CSMD3: variants seen among roughly 807,000 people sequenced by gnomAD.
CSMD3 encodes the protein CUB and sushi domain-containing protein 3.
In CSMD3, 177 loss-of-function variants were observed where a neutral mutation model predicts 435.2. That is an observed-to-expected ratio of 0.41 (90% CI 0.36 to 0.46). The LOEUF (loss-of-function observed/expected upper bound fraction) is 0.46, where lower values mean the gene tolerates loss of function less well. Among genes scored for constraint, CSMD3 ranks in the 20% least tolerant of loss-of-function variants. The pLI, the probability that CSMD3 is intolerant of heterozygous loss-of-function variation, is 0.34. For synonymous variants in CSMD3, 1,656 were observed against 1,520.5 expected (o/e 1.09, Z -2.07); for missense variants, 4,265 against 4,504.6 (o/e 0.95, Z 1.52).
chr8:112,256,872 C>G (rs972887145), intron 61 of CSMD3, among the ~76,000 whole-genome samples: 2 of 152,072 alleles, frequency 1.3e-5, no homozygotes, highest in Non-Finnish European at 2.9e-5. Context: ...AACTGAGAAA[C>G]TTTTGAGAGT....
At position 112,692,084 on chromosome 8, in the gene CSMD3, T is replaced by C. The variant is rs1274234130; in HGVS notation, c.1973-2034A>G. ...TCCCAAAGTGCTGGAATTACAGGTG[T>C]GAGCCACTGCGCCCGGCAAATTCTA... On this transcript the variant is annotated intron_variant, in intron 13 of 70. Coordinates refer to ENST00000297405, the MANE Select transcript of CSMD3 (RefSeq NM_198123.2). Among the ~76,000 whole-genome samples, 3 of 152,240 alleles carry C rather than the reference T, an allele frequency of 2.0e-5. No homozygotes were observed. The East Asian group carries it at 5.8e-4, about 29-fold the overall frequency.
chr8:112,730,696 C>T (rs1387945285), intron 13 of CSMD3, among the ~76,000 whole-genome samples: 2 of 152,220 alleles, frequency 1.3e-5, no homozygotes, highest in African/African-American at 2.4e-5. Flanking sequence ...ACCCCTTCAA[C>T]CTGACTGTGT....
At chr8:112,479,758 C>T (rs1819448762) in intron 31 of CSMD3, among the ~76,000 whole-genome samples, 1 of 152,204 alleles carries the variant, frequency 6.6e-6, no homozygotes, top group Non-Finnish European at 1.5e-5. Flanking sequence ...GCCTAAATGT[C>T]AGAGAATGTA....
intron 3 of CSMD3, among the ~76,000 whole-genome samples, chr8:113,257,766 A>G (rs995857890): frequency 1.1e-4 from 17 of 152,244 alleles, no homozygotes; most frequent in African/African-American, 4.1e-4. Flanking sequence ...GGCAAATTAA[A>G]GCATCTCACA....
intron 7 of CSMD3, among the ~76,000 whole-genome samples, chr8:112,971,595 T>G (rs1397008588): frequency 6.6e-6 from 1 of 152,196 alleles, no homozygotes; most frequent in Non-Finnish European, 1.5e-5. Flanking sequence ...CTATAATTGT[T>G]CATTTGACCT....
At chr8:113,415,908 A>G (rs990286042) in intron 1 of CSMD3, among the ~76,000 whole-genome samples, 1 of 152,116 alleles carries the variant, frequency 6.6e-6, no homozygotes, top group Non-Finnish European at 1.5e-5. Context: ...ATTAATGTAT[A>G]TATGGCCTAC....
chr8:112,867,310 A>G (rs1181817389), intron 10 of CSMD3, among the ~76,000 whole-genome samples: 1 of 152,140 alleles, frequency 6.6e-6, no homozygotes, highest in African/African-American at 2.4e-5. Flanking sequence ...CAAGGCTGAT[A>G]GTTTGAGTTT....
intron 10 of CSMD3, among the ~76,000 whole-genome samples, chr8:112,867,485 CAT>C (rs2129988087): frequency 6.6e-6 from 1 of 152,176 alleles, no homozygotes; most frequent in Non-Finnish European, 1.5e-5. Context: ...TATTAAACAT[CAT>C]AGAGTGTGCT....
At chr8:112,780,082 AAC>A (rs1489857338) in intron 13 of CSMD3, among the ~76,000 whole-genome samples, 1 of 152,130 alleles carries the variant, frequency 6.6e-6, no homozygotes, top group Non-Finnish European at 1.5e-5. Flanking sequence ...TTGAGGGGAA[AAC>A]ACATTCTTTT....
intron 1 of CSMD3, among the ~76,000 whole-genome samples, chr8:113,339,081 T>C (rs1405793864): frequency 6.6e-6 from 1 of 152,000 alleles, no homozygotes; most frequent in Non-Finnish European, 1.5e-5. Flanking sequence ...AATCATATTA[T>C]GCCTCAGATT....
chr8:112,800,352 T>C, intron 12 of CSMD3, 78 bp from the exon 13 acceptor site: 1 of 941,228 alleles, frequency 1.1e-6, no homozygotes, highest in East Asian at 2.4e-5. Flanking sequence ...ACAGATGTGT[T>C]TCTCAATACT....
intron 31 of CSMD3, among the ~76,000 whole-genome samples, chr8:112,492,074 A>G (rs1820758655): frequency 6.6e-6 from 1 of 152,198 alleles, no homozygotes; most frequent in African/African-American, 2.4e-5. Context: ...ATAAAGATTT[A>G]TCACCAGTTC....
chr8:113,163,591 A>G (rs2092088819), intron 4 of CSMD3, among the ~76,000 whole-genome samples: 4 of 152,068 alleles, frequency 2.6e-5, no homozygotes, highest in Admixed American at 2.6e-4. Flanking sequence ...TGTAGAAAAA[A>G]TTAAGATAAT....
intron 47 of CSMD3, among the ~76,000 whole-genome samples, chr8:112,317,693 G>C (rs1421829860): frequency 5.9e-5 from 9 of 151,858 alleles, no homozygotes; most frequent in Non-Finnish European, 1.3e-4. Flanking sequence ...TTCTCACATT[G>C]GCTCCAATTT....
intron 53 of CSMD3, 105 bp from the exon 54 acceptor site, chr8:112,296,111 A>C: frequency 1.1e-6 from 1 of 874,004 alleles, no homozygotes; most frequent in South Asian, 1.5e-5. Context: ...TCTTAAAAGC[A>C]AGCAACAAAT....
At position 113,281,575 on chromosome 8, in the gene CSMD3, G is replaced by A. The variant is rs11994232; in HGVS notation, c.402-2871C>T. Among the ~76,000 whole-genome samples the A allele has an allele frequency of 7.7e-3, 1,163 of 151,838 alleles. 19 individuals are homozygous for A. The highest frequency in any genetic ancestry group is 0.027 in the African/African-American group (1,114 of 41,482). ...TTATGTGTTAGGTGAGTCTCCTGAA[G>A]GCAGCAGATAGTTGGTTGGTGAGTT... On this transcript the variant is annotated intron_variant, in intron 2 of 70. Transcript: ENST00000297405.
At chr8:113,140,166 T>G (rs1409549607) in intron 4 of CSMD3, among the ~76,000 whole-genome samples, 2 of 151,036 alleles carry the variant, frequency 1.3e-5, no homozygotes, top group African/African-American at 4.8e-5. Flanking sequence ...GGACATTATA[T>G]ATAATGATAT....
intron 42 of CSMD3, among the ~76,000 whole-genome samples, chr8:112,338,236 G>A (rs1169561261): frequency 1.3e-5 from 2 of 151,286 alleles, no homozygotes; most frequent in African/African-American, 2.4e-5. Context: ...ATAAAGCACT[G>A]GAAAAAAATT....
chr8:113,334,537 T>C (rs2094055866), intron 1 of CSMD3, among the ~76,000 whole-genome samples: 1 of 152,016 alleles, frequency 6.6e-6, no homozygotes, highest in Admixed American at 6.6e-5. Flanking sequence ...CAGCTTTCTT[T>C]TATGTACTGG....
Sources: gnomAD v4.1 joint callset for allele counts (sites outside exome capture counted in the v4.1 genomes callset) on GRCh38, gnomAD v4.1.1 for gene constraint, MANE v1.5 for transcripts, NCBI Gene and HGNC (gene_info 2026-07-23, HGNC 2026-07-21) for gene names.